EPB41L4A: variants seen among roughly 807,000 people sequenced by gnomAD.
EPB41L4A encodes the protein erythrocyte membrane protein band 4.1 like 4A, also known as band 4.1-like protein 4A.
EPB41L4A carries 100 observed loss-of-function variants against 108.6 expected under a neutral mutation model. The observed-to-expected ratio is 0.92, with a 90% confidence interval of 0.78 to 1.09. The LOEUF (loss-of-function observed/expected upper bound fraction) is 1.09. EPB41L4A is among the 50% of genes least tolerant of loss of function. The pLI, the probability that EPB41L4A is intolerant of heterozygous loss-of-function variation, is 0.00. For synonymous variants in EPB41L4A, 319 were observed against 289.0 expected (o/e 1.10, Z -1.05); for missense variants, 1,030 against 842.7 (o/e 1.22, Z -2.75).
At chr5:112,321,622 T>A (rs976101162) in intron 1 of EPB41L4A, among the ~76,000 whole-genome samples, 1 of 152,226 alleles carries the variant, frequency 6.6e-6, no homozygotes, top group Non-Finnish European at 1.5e-5. Context: ...TTCAAGTTAC[T>A]CATTTGGGGA....
At position 112,378,012 on chromosome 5, in the gene EPB41L4A, C is replaced by T. The variant is rs562367278; in HGVS notation, c.99+40929G>A. Among the ~76,000 whole-genome samples the T allele has an allele frequency of 2.6e-5, 4 of 152,152 alleles. No individual in the cohort carries two copies. In the South Asian group the frequency reaches 8.3e-4, roughly 32 times the overall value. On this transcript the variant is annotated intron_variant, in intron 1 of 22. Transcript: ENST00000261486. ...AACTCTGAATGCATAAACACCAGGT[C>T]CAAAAACAAAATAAGATGCAACCTT...
intron 1 of EPB41L4A, among the ~76,000 whole-genome samples, chr5:112,398,713 T>A (rs1223099807): frequency 6.6e-6 from 1 of 152,088 alleles, no homozygotes; most frequent in East Asian, 1.9e-4. Context: ...TTTCTTTCTT[T>A]CACCTGAGGT....
At chr5:112,266,407 G>T in intron 4 of EPB41L4A, 77 bp from the exon 5 acceptor site, 1 of 950,282 alleles carries the variant, frequency 1.1e-6, no homozygotes, top group Non-Finnish European at 1.6e-6. Context: ...TGATAATCAA[G>T]GTTAACAACC....
At chr5:112,194,474 G>A (rs1761861300) in intron 17 of EPB41L4A, 94 bp downstream of exon 17, 2 of 688,340 alleles carry the variant, frequency 2.9e-6, no homozygotes, top group African/African-American at 1.9e-5. Context: ...AGACTCAGAT[G>A]GAAAAAACAG....
chr5:112,361,469 G>A (rs1269031063), intron 1 of EPB41L4A, among the ~76,000 whole-genome samples: 4 of 149,244 alleles, frequency 2.7e-5, no homozygotes, highest in African/African-American at 9.9e-5. Context: ...ATTGTCCTAT[G>A]ACCCTGCCAA....
At chr5:112,372,290 C>T (rs1473145824) in intron 1 of EPB41L4A, among the ~76,000 whole-genome samples, 1 of 152,232 alleles carries the variant, frequency 6.6e-6, no homozygotes, top group East Asian at 1.9e-4. Flanking sequence ...GCTTATAAAA[C>T]CATCAGATTT....
At chr5:112,333,384 G>A (rs543543998) in intron 1 of EPB41L4A, among the ~76,000 whole-genome samples, 77 of 152,268 alleles carry the variant, frequency 5.1e-4, no homozygotes, top group Non-Finnish European at 1.0e-3. Flanking sequence ...GGAAATGCTC[G>A]GCTGGTCTCC....
In EPB41L4A at chr5:112,275,433, A is replaced by G. The variant is rs762550794; in HGVS notation, c.257-29T>C. The G allele has an allele frequency of 4.6e-6, 7 of 1,508,598 alleles. No homozygotes were observed. The Admixed American group carries it at 1.5e-4, about 32-fold the overall frequency. The allele number at this position is 1,508,598 out of a possible 1,614,324, so 93.5% of individuals were successfully genotyped here. A position where few individuals can be genotyped will look rare whatever the true frequency, so the allele number is the denominator to read the frequency against. ...AAATAAGAAATAGAAATTAAATTTC[A>G]CTAAAATCATAAATTAGTCAAAGTT... On this transcript the variant is annotated intron_variant, in intron 3 of 22. Transcript: ENST00000261486.
At chr5:112,355,130 AATTTC>A (rs1267832076) in intron 1 of EPB41L4A, among the ~76,000 whole-genome samples, 8 of 152,204 alleles carry the variant, frequency 5.3e-5, no homozygotes, top group Admixed American at 2.6e-4. Flanking sequence ...TTTATACTCA[AATTTC>A]ATTTGTCACT....
At chr5:112,188,426 G>A (rs1236292484) in intron 17 of EPB41L4A, among the ~76,000 whole-genome samples, 3 of 152,016 alleles carry the variant, frequency 2.0e-5, no homozygotes, top group Non-Finnish European at 4.4e-5. Context: ...GCTACCTCTG[G>A]CGCAATTTCC....
chr5:112,282,553 G>A (rs1753033220), intron 2 of EPB41L4A, among the ~76,000 whole-genome samples: 1 of 152,186 alleles, frequency 6.6e-6, no homozygotes, highest in Non-Finnish European at 1.5e-5. Context: ...AAATCAAGAT[G>A]TCAGCCTGCT....
chr5:112,336,393 G>A (rs1017129912), intron 1 of EPB41L4A, among the ~76,000 whole-genome samples: 4 of 152,160 alleles, frequency 2.6e-5, no homozygotes, highest in African/African-American at 7.2e-5. Flanking sequence ...CAATTCCAGA[G>A]TATGAAATAG....
chr5:112,228,680 C>T (rs993505528), intron 12 of EPB41L4A: 24 of 983,778 alleles, frequency 2.4e-5, no homozygotes, highest in Middle Eastern at 5.2e-4. Flanking sequence ...ACAGCAGAGA[C>T]GATCTCCTTT....
intron 3 of EPB41L4A, 23 bp downstream of exon 3, chr5:112,280,249 C>A: frequency 6.2e-6 from 10 of 1,611,022 alleles, no homozygotes; most frequent in Non-Finnish European, 8.5e-6. Context: ...CACCCTTTAA[C>A]AAAGTAAAAG....
intron 12 of EPB41L4A, among the ~76,000 whole-genome samples, chr5:112,213,317 T>A (rs1747352807): frequency 6.6e-6 from 1 of 151,810 alleles, no homozygotes; most frequent in African/African-American, 2.4e-5. Flanking sequence ...AATGGTAATC[T>A]ACTGTTCACT....
intron 17 of EPB41L4A, among the ~76,000 whole-genome samples, chr5:112,188,380 T>C (rs1332113132): frequency 6.6e-6 from 1 of 152,202 alleles, no homozygotes; most frequent in Non-Finnish European, 1.5e-5. Flanking sequence ...CTTCTGTCTC[T>C]TCCACTTATT....
At position 112,419,173 on chromosome 5, in the gene EPB41L4A, T is replaced by C. The variant is rs532145405; in HGVS notation, c.-134A>G. 0.015 allele frequency: 9,105 copies of C among 613,654 alleles called. 125 individuals are homozygous for C. Among genetic ancestry groups the C allele is most frequent in the South Asian group, 0.036 (1,602 of 44,014 alleles). 38.0% of individuals were successfully genotyped at this position (613,654 alleles called of 1,614,324 possible). On this transcript the variant is annotated 5_prime_UTR_variant, in exon 1 of 23. Transcript: ENST00000261486. ...GTGAGACGAGCAGCTCCCGGCGGGG[T>C]CCGGGGACCGGCCGCCGAACCGCCC...
intron 1 of EPB41L4A, among the ~76,000 whole-genome samples, chr5:112,369,021 A>C (rs1261390364): frequency 6.6e-6 from 1 of 152,132 alleles, no homozygotes; most frequent in Non-Finnish European, 1.5e-5. Flanking sequence ...CCTTTCACTA[A>C]GGGATCCAAA....
chr5:112,338,582 G>A (rs574012284), intron 1 of EPB41L4A, among the ~76,000 whole-genome samples: 10 of 145,296 alleles, frequency 6.9e-5, no homozygotes, highest in African/African-American at 1.9e-4. Context: ...CTCTACCAGC[G>A]TATATAAAAA....
Sources: allele counts gnomAD v4.1 joint callset (sites outside exome capture counted in the v4.1 genomes callset), GRCh38; gene constraint gnomAD v4.1.1; transcripts MANE v1.5; gene names NCBI Gene and HGNC (gene_info 2026-07-23, HGNC 2026-07-21).